PDXDC1: variants seen among roughly 807,000 people sequenced by gnomAD.
PDXDC1 encodes pyridoxal dependent decarboxylase domain containing 1, also known as pyridoxal-dependent decarboxylase domain-containing protein 1.
PDXDC1 carries 42 observed loss-of-function variants against 100.1 expected under a neutral mutation model. That is an observed-to-expected ratio of 0.42 (90% CI 0.33 to 0.54). PDXDC1 has a LOEUF of 0.54. Among genes scored for constraint, PDXDC1 ranks in the 20% least tolerant of loss-of-function variants. The pLI is 0.10. For missense variants in PDXDC1, 636 were observed against 979.2 expected, an observed-to-expected ratio of 0.65 and a Z score of 4.68; for synonymous variants, 260 against 371.7, an observed-to-expected ratio of 0.70 and a Z score of 3.46.
chr16:15,124,271 A>C (rs2047581506), intron 16 of PDXDC1, among the ~76,000 whole-genome samples: 1 of 152,164 alleles, frequency 6.6e-6, no homozygotes, highest in Non-Finnish European at 1.5e-5. Context: ...GTCCTCAGCT[A>C]AACTTCCCAC....
intron 1 of PDXDC1, among the ~76,000 whole-genome samples, chr16:14,985,369 G>T (rs1447163723): frequency 6.9e-6 from 1 of 144,470 alleles, no homozygotes; most frequent in Non-Finnish European, 1.5e-5. Flanking sequence ...CTTACTGCAA[G>T]CTCCGCCTCC....
intron 1 of PDXDC1, among the ~76,000 whole-genome samples, chr16:14,978,893 A>G (rs1967307944): frequency 6.6e-6 from 1 of 152,284 alleles, no homozygotes; most frequent in South Asian, 2.1e-4. Context: ...ATTTGCTGTT[A>G]TGGGGGCTGG....
chr16:15,019,203 C>A (rs542793513), intron 12 of PDXDC1, among the ~76,000 whole-genome samples: 1 of 152,370 alleles, frequency 6.6e-6, no homozygotes, highest in African/African-American at 2.4e-5. Flanking sequence ...ACACCACTGT[C>A]AGCATGGGAT....
At chr16:14,981,643 A>G (rs1968013430) in intron 1 of PDXDC1, among the ~76,000 whole-genome samples, 1 of 152,280 alleles carries the variant, frequency 6.6e-6, no homozygotes, top group Admixed American at 6.5e-5. Context: ...ACACTGCAGT[A>G]GTGGTCTCTG....
At chr16:15,127,965 G>C in intron 16 of PDXDC1, 4 of 1,542,762 alleles carry the variant, frequency 2.6e-6, no homozygotes, top group Middle Eastern at 4.6e-4. Context: ...ACCTCCCACG[G>C]AGTGGGAACA....
At chr16:14,984,078 G>A (rs1200064822) in intron 1 of PDXDC1, among the ~76,000 whole-genome samples, 31 of 152,338 alleles carry the variant, frequency 2.0e-4, no homozygotes, top group African/African-American at 6.0e-4. Flanking sequence ...TGAGAGGATC[G>A]CTTGAGCCCA....
At chr16:15,067,570 T>C (rs1352027859) in intron 16 of PDXDC1, among the ~76,000 whole-genome samples, 1 of 148,966 alleles carries the variant, frequency 6.7e-6, no homozygotes, top group African/African-American at 2.5e-5. Flanking sequence ...TTGCCTCATG[T>C]CCAGTTTATT....
At chr16:15,008,068 TA>T (rs1207557924) in intron 6 of PDXDC1, among the ~76,000 whole-genome samples, 5 of 152,294 alleles carry the variant, frequency 3.3e-5, no homozygotes, top group African/African-American at 1.2e-4. Flanking sequence ...TTAATACCTG[TA>T]TTTTTTTTGA....
At chr16:15,043,336 G>A (rs970892061) in intron 16 of PDXDC1, among the ~76,000 whole-genome samples, 5 of 152,140 alleles carry the variant, frequency 3.3e-5, no homozygotes, top group African/African-American at 1.2e-4. Flanking sequence ...GTGCCCGGCC[G>A]GATATGAACC....
chr16:15,092,693 A>G (rs2151829653), intron 16 of PDXDC1: 4 of 960,492 alleles, frequency 4.2e-6, no homozygotes, highest in South Asian at 2.7e-5. Context: ...TTGAACCAAC[A>G]TAATTCAGTG....
At chr16:15,052,878 G>T (rs1400057450) in intron 16 of PDXDC1, among the ~76,000 whole-genome samples, 3 of 152,036 alleles carry the variant, frequency 2.0e-5, no homozygotes, top group Non-Finnish European at 2.9e-5. Context: ...GCTACGCTGC[G>T]AGCATCTTGT....
At chr16:15,061,780 G>T (rs753372806) in intron 16 of PDXDC1, 2 of 1,613,896 alleles carry the variant, frequency 1.2e-6, no homozygotes, top group African/African-American at 2.7e-5. Flanking sequence ...ACACGGGTGG[G>T]GAGCCCACAC....
downstream of PDXDC1, among the ~76,000 whole-genome samples, chr16:15,140,132 GGAGA>G (rs1018092043): frequency 1.3e-5 from 2 of 149,398 alleles, no homozygotes; most frequent in African/African-American, 4.9e-5. Context: ...AAGAAAGGGA[GGAGA>G]GAGAGAAGAA....
intron 16 of PDXDC1, chr16:15,125,236 T>C (rs1598194904): frequency 5.8e-6 from 3 of 519,098 alleles, no homozygotes; most frequent in African/African-American, 2.3e-5. Flanking sequence ...TAAGTGGGGG[T>C]TGTGCCGCAG....
At chr16:15,151,947 A>C in the PDXDC1 span, among the ~76,000 whole-genome samples, 7 of 142,086 alleles carry the variant, frequency 4.9e-5, no homozygotes, top group East Asian at 2.0e-4. Context: ...AAAAAAAAAA[A>C]AAAAAACACA....
At chr16:15,060,121 A>C in intron 16 of PDXDC1, 1 of 342,720 alleles carries the variant, frequency 2.9e-6, no homozygotes. Flanking sequence ...TTTTTTTCAC[A>C]AACTCCTTTG....
intron 16 of PDXDC1, chr16:15,104,265 A>C (rs2046679545): frequency 6.5e-6 from 9 of 1,374,866 alleles, no homozygotes; most frequent in Non-Finnish European, 8.7e-6. Context: ...TCCCTCAGGC[A>C]ATCATACCAG....
At chr16:15,020,102 G>A (rs1439957199) in intron 12 of PDXDC1, among the ~76,000 whole-genome samples, 15 of 123,976 alleles carry the variant, frequency 1.2e-4, no homozygotes, top group African/African-American at 4.4e-4. Context: ...ACAGAGCGAG[G>A]CTCCGTCTCA....
intron 1 of PDXDC1, among the ~76,000 whole-genome samples, chr16:14,996,027 C>T (rs1971881592): frequency 6.6e-6 from 1 of 152,268 alleles, no homozygotes; most frequent in South Asian, 2.1e-4. Context: ...CAAATAAAAA[C>T]TTTACTACTT....
Sources: allele counts gnomAD v4.1 joint callset (sites outside exome capture counted in the v4.1 genomes callset), GRCh38; gene constraint gnomAD v4.1.1; transcripts MANE v1.5; gene names NCBI Gene and HGNC (gene_info 2026-07-23, HGNC 2026-07-21).